The following JPH4 variants were observed in gnomAD, a reference collection of about 807,000 sequenced individuals.
JPH4 encodes junctophilin 4.
In JPH4, 18 loss-of-function variants were observed where a neutral mutation model predicts 57.6. The ratio of observed to expected loss-of-function variants is 0.31; its 90% CI spans 0.22 to 0.46. The LOEUF (loss-of-function observed/expected upper bound fraction) is 0.46, where lower values mean the gene tolerates loss of function less well. JPH4 is among the 20% of genes least tolerant of loss of function. JPH4 has a pLI of 1.00. For missense variants in JPH4, 727 were observed against 911.1 expected (o/e 0.80, Z 2.60); for synonymous variants, 425 against 406.6 (o/e 1.05, Z -0.54).
At position 23,571,788 on chromosome 14, in the gene JPH4, T is replaced by G. The variant is rs750590906; in HGVS notation, c.1270+14A>C. ...GGGGCCTCACTGCCCTCCCCCCAGC[T>G]GTCCATGCCTCACCTGGGGCCTCTA... On this transcript the variant is annotated intron_variant, in intron 4 of 5. Transcript: ENST00000356300. This position sits in a 1 kb window ranked among gnomAD's most constrained non-coding sequence, Gnocchi z 4.6. The G allele has an allele frequency of 6.2e-7, 1 of 1,608,006 alleles. No homozygotes were observed. Among genetic ancestry groups the G allele is most frequent in the Admixed American group, 1.7e-5 (1 of 59,992 alleles).
rs867228338 is a variant in JPH4 at position 23,575,446 on chromosome 14, A to G, written c.1151+239T>C. On this transcript the variant is annotated intron_variant, in intron 3 of 5. Coordinates refer to ENST00000356300, the MANE Select transcript of JPH4 (RefSeq NM_001146028.2). The surrounding 1 kb of genome is among the most constrained non-coding windows in gnomAD (Gnocchi z 6.9). ...CTCCACACAAAAGACACCGAGACAC[A>G]TTTACAGTCTTACACCATCTCCCTC... 7 of 588,068 alleles carry G rather than the reference A, an allele frequency of 1.2e-5. No individual in the cohort carries two copies. The highest frequency in any genetic ancestry group is 2.6e-4 in the Middle Eastern group (1 of 3,804). The allele number at this position is 588,068 out of a possible 1,614,324, so 36.4% of individuals were successfully genotyped here. A position where few individuals can be genotyped will look rare whatever the true frequency, so the allele number is the denominator to read the frequency against.
Position 23,575,704 on chromosome 14 carries a change from G to C in JPH4, c.1132C>G (p.Gln378Glu). 6.2e-7 allele frequency: 1 copy of C among 1,605,596 alleles called. No individual in the cohort carries two copies. The highest frequency in any genetic ancestry group is 8.5e-7 in the Non-Finnish European group (1 of 1,177,140). The change falls in exon 3 of 6, where the codon CAG becomes GAG. Residue 378 changes from glutamine (Q) to glutamate (E), a missense_variant. Physicochemically the swap from Gln to Glu is conservative, Grantham distance 29 (BLOSUM62 2). This residue lies in a region of JPH4 where 112 missense variants were observed against 199.4 expected (regional missense o/e 0.56). Coordinates refer to ENST00000356300, the MANE Select transcript of JPH4 (RefSeq NM_001146028.2). The surrounding 1 kb of genome is among the most constrained non-coding windows in gnomAD (Gnocchi z 6.9). ...RRAVSAARQR[Q>E]EIAAARAADA... Reference sequence around the variant, plus strand: ...GCCCACCTGGCAGCGGCGATCTCCTGGCGCTGACGGGCAGCACTCACGGCT... The same window carrying C: ...GCCCACCTGGCAGCGGCGATCTCCTCGCGCTGACGGGCAGCACTCACGGCT...
rs1361937526 is a variant in JPH4, at chr14:23,569,534, A to T, written c.*100T>A. 1.3e-6 allele frequency: 1 copy of T among 775,044 alleles called. No individual in the cohort carries two copies. The highest frequency in any genetic ancestry group is 1.7e-5 in the African/African-American group (1 of 57,644). 48.0% of individuals were successfully genotyped at this position (775,044 alleles called of 1,614,324 possible). On this transcript the variant is annotated 3_prime_UTR_variant, in exon 6 of 6. Transcript: ENST00000356300. This position sits in a 1 kb window ranked among gnomAD's most constrained non-coding sequence, Gnocchi z 4.8. ...AAAGAAAGGAAGAAGAGAAAGAAAGATAGGAGAAAACACAGCCAGGAAGAG... is the reference window on the plus strand; with the variant it reads ...AAAGAAAGGAAGAAGAGAAAGAAAGTTAGGAGAAAACACAGCCAGGAAGAG...
intron 5 of JPH4, among the ~76,000 whole-genome samples, 162 bp downstream of exon 5, chr14:23,570,766 C>T (rs1036507668): frequency 6.6e-6 from 1 of 152,160 alleles, no homozygotes; most frequent in African/African-American, 2.4e-5. Flanking sequence ...CCTTCCAGCT[C>T]GAACGCCCTC....
chr14:23,570,146 T>C (rs1283550633), intron 5 of JPH4, among the ~76,000 whole-genome samples: 1 of 151,732 alleles, frequency 6.6e-6, no homozygotes, highest in Non-Finnish European at 1.5e-5. Flanking sequence ...TTTTCTGCCT[T>C]CTTCTCTATT....
At chr14:23,574,529 C>T (rs530045000) in intron 3 of JPH4, among the ~76,000 whole-genome samples, 1 of 152,274 alleles carries the variant, frequency 6.6e-6, no homozygotes, top group South Asian at 2.1e-4. Flanking sequence ...GGCTATTAAG[C>T]ATTTGAAACG....
chr14:23,568,807 T>G lies in JPH4; in HGVS notation c.*827A>C. ...TCCAGACCAACCAAATAAACTATTA[T>G]GGGGGAGACAGAAGGGTGGGAGAAG... On this transcript the variant is annotated 3_prime_UTR_variant, in exon 6 of 6. Coordinates refer to ENST00000356300, the MANE Select transcript of JPH4 (RefSeq NM_001146028.2). The G allele has an allele frequency of 1.0e-6, 1 of 985,832 alleles. No individual in the cohort carries two copies. Among genetic ancestry groups the G allele is most frequent in the Non-Finnish European group, 1.2e-6 (1 of 830,028 alleles). 61.1% of individuals were successfully genotyped at this position (985,832 alleles called of 1,614,324 possible).
At chr14:23,570,653 C>A (rs1889107813) in intron 5 of JPH4, among the ~76,000 whole-genome samples, 1 of 152,010 alleles carries the variant, frequency 6.6e-6, no homozygotes, top group Admixed American at 6.5e-5. Flanking sequence ...GGATTACAGG[C>A]GTGAGCCACC....
In JPH4 at chr14:23,571,219, T is replaced by A. The variant is rs61739610; in HGVS notation, c.1512A>T (p.Ala504=). ...CATAGCCAGCTAGTTCCTCTGCCTG[T>A]GCGCCTGCCCCCCCCCACTCCTCAG... ...AWPEEWGGAG[A]QAEELAGYEA... is the part of the protein sequence containing the mutation. Residue 504 remains alanine (A), a synonymous_variant, in exon 5 of 6, where the codon GCA becomes GCT. Coordinates refer to ENST00000356300, the MANE Select transcript of JPH4 (RefSeq NM_001146028.2). The surrounding 1 kb of genome is among the most constrained non-coding windows in gnomAD (Gnocchi z 4.6). The A allele has an allele frequency of 3.0e-5, 49 of 1,612,968 alleles. No individual in the cohort carries two copies. The Middle Eastern group carries it at 9.9e-4, about 33-fold the overall frequency.
Position 23,568,471 on chromosome 14 carries a change from C to T in JPH4, c.*1163G>A. On this transcript the variant is annotated 3_prime_UTR_variant, in exon 6 of 6. Coordinates refer to ENST00000356300, the MANE Select transcript of JPH4 (RefSeq NM_001146028.2). ...CCTGTCACCCGGGTTTGACTCCCAC[C>T]TCTGCCCTGCCTGGGAAGCATGTGA... The T allele has an allele frequency of 2.0e-6, 2 of 985,790 alleles. No homozygotes were observed. Among genetic ancestry groups the T allele is most frequent in the Non-Finnish European group, 2.4e-6 (2 of 829,976 alleles). 61.1% of individuals were successfully genotyped at this position (985,790 alleles called of 1,614,324 possible).
At chr14:23,572,629 T>C (rs1889179934) in intron 3 of JPH4, among the ~76,000 whole-genome samples, 1 of 152,154 alleles carries the variant, frequency 6.6e-6, no homozygotes, top group Non-Finnish European at 1.5e-5. Context: ...TCTTCTGTTA[T>C]GACACTGTTC....
In JPH4 at chr14:23,571,010, C is replaced by A; in HGVS notation, c.1721G>T (p.Gly574Val). 1.3e-6 allele frequency: 2 copies of A among 1,566,394 alleles called. No individual in the cohort carries two copies. The highest frequency in any genetic ancestry group is 8.7e-7 in the Non-Finnish European group (1 of 1,154,808). ...AGCATCAGGACCCCTCGAGGACGAGCCCCTCAGGACCAGCATGGCGATGGG... is the reference window on the plus strand; with the variant it reads ...AGCATCAGGACCCCTCGAGGACGAGACCCTCAGGACCAGCATGGCGATGGG... Reference protein sequence around the residue: ...PEPIAMLVLRGSSSRGPDAGC... With the variant: ...PEPIAMLVLRVSSSRGPDAGC... Residue 574 changes from glycine (G) to valine (V), a missense_variant, in exon 5 of 6, where the codon GGC becomes GTC. Gly to Val is a moderately radical substitution (Grantham distance 109). Around this residue, in one of 7 missense-constraint regions of JPH4, gnomAD observed 293 missense variants for 279.8 expected, o/e 1.05. Transcript: ENST00000356300. This position sits in a 1 kb window ranked among gnomAD's most constrained non-coding sequence, Gnocchi z 4.6.
rs1888885630 is a variant in JPH4 at position 23,568,373 on chromosome 14, G to A, written c.*1261C>T. 13 of 985,828 alleles carry A rather than the reference G, an allele frequency of 1.3e-5. No homozygotes were observed. Among genetic ancestry groups the A allele is most frequent in the Non-Finnish European group, 1.6e-5 (13 of 829,950 alleles). 61.1% of individuals were successfully genotyped at this position (985,828 alleles called of 1,614,324 possible). A position where few individuals can be genotyped will look rare whatever the true frequency, so the allele number is the denominator to read the frequency against. The stretch of plus-strand genomic sequence containing the variant: ...GACCCTGCAGTCCCCTCTTCCTAGG[G>A]CTTCCTGCTCCCAGGGGAAAAACTA... On this transcript the variant is annotated 3_prime_UTR_variant, in exon 6 of 6. Coordinates refer to ENST00000356300, the MANE Select transcript of JPH4 (RefSeq NM_001146028.2).
chr14:23,571,592 C>T lies in JPH4; in HGVS notation c.1271-132G>A. ...CTCATAGCCTCTCACCGCCAGACCC[C>T]AAACCCCCCATTATCCTACTGCATA... On this transcript the variant is annotated intron_variant, in intron 4 of 5. Transcript: ENST00000356300. This position sits in a 1 kb window ranked among gnomAD's most constrained non-coding sequence, Gnocchi z 4.6. 8.4e-7 allele frequency: 1 copy of T among 1,187,108 alleles called. No individual in the cohort carries two copies. The highest frequency in any genetic ancestry group is 1.2e-6 in the Non-Finnish European group (1 of 842,374). 73.5% of individuals were successfully genotyped at this position (1,187,108 alleles called of 1,614,324 possible).
Position 23,575,830 on chromosome 14 carries a change from G to T in JPH4, c.1006C>A (p.Arg336=), listed in dbSNP as rs1254760789. 1.3e-6 allele frequency: 2 copies of T among 1,588,050 alleles called. No individual in the cohort carries two copies. The highest frequency in any genetic ancestry group is 1.8e-5 in the Admixed American group (1 of 56,890). ...SREEGKYKRN[R]LVHGGRVRSL... Reference sequence around the variant, plus strand: ...CGGACGCGCCCGCCGTGCACCAGCCGGTTGCGCTTGTACTTGCCCTCCTCG... The same window carrying T: ...CGGACGCGCCCGCCGTGCACCAGCCTGTTGCGCTTGTACTTGCCCTCCTCG... Residue 336 remains arginine (R), a synonymous_variant, in exon 3 of 6, where the codon CGG becomes AGG. Coordinates refer to ENST00000356300, the MANE Select transcript of JPH4 (RefSeq NM_001146028.2). The surrounding 1 kb of genome is among the most constrained non-coding windows in gnomAD (Gnocchi z 6.9).
In JPH4 at chr14:23,575,941, G is replaced by A; in HGVS notation, c.895C>T (p.Arg299Cys). The A allele has an allele frequency of 6.5e-7, 1 of 1,547,608 alleles. No individual in the cohort carries two copies. The highest frequency in any genetic ancestry group is 8.7e-7 in the Non-Finnish European group (1 of 1,155,624). Residue 299 changes from arginine to cysteine, a missense_variant, in exon 3 of 6, where the codon CGC (arginine) becomes TGC (cysteine). Physicochemically the swap from Arg to Cys is radical, Grantham distance 180. This residue lies in a region of JPH4 where 112 missense variants were observed against 199.4 expected (regional missense o/e 0.56). Transcript: ENST00000356300. This position sits in a 1 kb window ranked among gnomAD's most constrained non-coding sequence, Gnocchi z 6.9. Reference sequence around the variant, plus strand: ...CCCTCGTAGCGCAGCCCGTTGGAGCGCTGGCTGACGCCGAAGCCGCTGCGC... The same window carrying A: ...CCCTCGTAGCGCAGCCCGTTGGAGCACTGGCTGACGCCGAAGCCGCTGCGC... The part of the protein sequence containing the change: ...DRRSGFGVSQ[R>C]SNGLRYEGEW...
chr14:23,574,074 C>T (rs1324884435), intron 3 of JPH4, among the ~76,000 whole-genome samples: 2 of 152,028 alleles, frequency 1.3e-5, no homozygotes, highest in African/African-American at 2.4e-5. Flanking sequence ...AAATCCTCCA[C>T]CCCTTTAAAA....
rs1177193947 is a variant in JPH4, at chr14:23,569,065, G to C, written c.*569C>G. Reference sequence around the variant, plus strand: ...CTCAGTGCTTGGAGGTAAGATAATAGCCTCCAAGATTAGAGGTGGAGGATG... The same window carrying C: ...CTCAGTGCTTGGAGGTAAGATAATACCCTCCAAGATTAGAGGTGGAGGATG... On this transcript the variant is annotated 3_prime_UTR_variant, in exon 6 of 6. Coordinates refer to ENST00000356300, the MANE Select transcript of JPH4 (RefSeq NM_001146028.2). This position sits in a 1 kb window ranked among gnomAD's most constrained non-coding sequence, Gnocchi z 4.8. 6.2e-6 allele frequency: 1 copy of C among 160,702 alleles called. No individual in the cohort carries two copies. Among genetic ancestry groups the C allele is most frequent in the Non-Finnish European group, 1.4e-5 (1 of 72,814 alleles). The allele number at this position is 160,702 out of a possible 1,614,324, so 10.0% of individuals were successfully genotyped here.
In JPH4 at chr14:23,571,755, G is replaced by T. The variant is rs2139465437; in HGVS notation, c.1270+47C>A. ...GTTTCCCCACACCTGAGCCTCTCTA[G>T]CTCCCTAGGGGCCTCACTGCCCTCC... On this transcript the variant is annotated intron_variant, in intron 4 of 5. Transcript: ENST00000356300. The surrounding 1 kb of genome is among the most constrained non-coding windows in gnomAD (Gnocchi z 4.6). 1.3e-6 allele frequency: 2 copies of T among 1,532,832 alleles called. No individual in the cohort carries two copies. The allele number at this position is 1,532,832 out of a possible 1,614,324, so 95.0% of individuals were successfully genotyped here. A position where few individuals can be genotyped will look rare whatever the true frequency, so the allele number is the denominator to read the frequency against.
Sources: gnomAD v4.1 joint callset for allele counts (sites outside exome capture counted in the v4.1 genomes callset) on GRCh38, gnomAD v4.1.1 for gene constraint, gnomAD v4.1.1 regional missense constraint, Gnocchi (gnomAD v3.1) non-coding constraint, MANE v1.5 for transcripts, NCBI Gene and HGNC (gene_info 2026-07-23, HGNC 2026-07-21) for gene names.